The following GFRA2 variants were observed in gnomAD, a reference collection of about 807,000 sequenced individuals.
GFRA2 encodes the protein GDNF family receptor alpha-2.
Under a neutral mutation model 48.3 loss-of-function variants are expected in GFRA2, and 17 were observed. The ratio of observed to expected loss-of-function variants is 0.35; its 90% CI spans 0.24 to 0.53. The LOEUF is 0.53. Among genes scored for constraint, GFRA2 ranks in the 20% least tolerant of loss-of-function variants. The pLI, the probability that GFRA2 is intolerant of heterozygous loss-of-function variation, is 0.93. For synonymous variants in GFRA2, 305 were observed against 257.2 expected (o/e 1.19, Z -1.78); for missense variants, 660 against 637.3 (o/e 1.04, Z -0.38).
intron 2 of GFRA2, among the ~76,000 whole-genome samples, chr8:21,777,318 G>A (rs932591861): frequency 1.8e-4 from 28 of 152,166 alleles, no homozygotes; most frequent in Admixed American, 1.2e-3. Context: ...ATGGTGCCCC[G>A]GGGTGGTGTG....
intron 4 of GFRA2, among the ~76,000 whole-genome samples, chr8:21,741,920 C>CAAA (rs74424608): frequency 9.5e-6 from 1 of 105,184 alleles, no homozygotes; most frequent in Non-Finnish European, 2.1e-5. Flanking sequence ...GACTCCATCT[C>CAAA]AAAAAAAAAA....
chr8:21,720,634 G>A (rs1165379510), intron 4 of GFRA2, among the ~76,000 whole-genome samples: 1 of 151,978 alleles, frequency 6.6e-6, no homozygotes, highest in African/African-American at 2.4e-5. Flanking sequence ...AAACACACAC[G>A]TTCCCCAGCC....
At chr8:21,785,045 C>T (rs2117081538) in intron 1 of GFRA2, among the ~76,000 whole-genome samples, 1 of 152,278 alleles carries the variant, frequency 6.6e-6, no homozygotes, top group East Asian at 1.9e-4. Context: ...TAGGCTAATG[C>T]CCTCCCACCT....
chr8:21,730,311 G>A (rs759672821), intron 4 of GFRA2, among the ~76,000 whole-genome samples: 1 of 152,082 alleles, frequency 6.6e-6, no homozygotes, highest in African/African-American at 2.4e-5. Flanking sequence ...GCTGAAGCAG[G>A]AGAATCATTT....
intron 7 of GFRA2, among the ~76,000 whole-genome samples, chr8:21,698,369 T>C (rs966476788): frequency 6.6e-6 from 1 of 152,190 alleles, no homozygotes; most frequent in Non-Finnish European, 1.5e-5. Flanking sequence ...CATCCTTCCA[T>C]AGCTTTCTCC....
chr8:21,705,219 C>A, intron 5 of GFRA2, 94 bp from the exon 6 acceptor site: 1 of 1,297,268 alleles, frequency 7.7e-7, no homozygotes, highest in Non-Finnish European at 1.1e-6. Context: ...AGGGCAGAGG[C>A]GTGGTACCCA....
At chr8:21,760,913 C>G (rs1344299818) in intron 3 of GFRA2, among the ~76,000 whole-genome samples, 1 of 152,126 alleles carries the variant, frequency 6.6e-6, no homozygotes, top group Non-Finnish European at 1.5e-5. Context: ...GGATGGTCAA[C>G]TGACACCCCC....
At chr8:21,769,673 AC>A (rs1806353678) in intron 3 of GFRA2, among the ~76,000 whole-genome samples, 1 of 152,198 alleles carries the variant, frequency 6.6e-6, no homozygotes, top group Non-Finnish European at 1.5e-5. Flanking sequence ...TGTCACACAC[AC>A]ACGCAGAGGG....
intron 4 of GFRA2, among the ~76,000 whole-genome samples, chr8:21,734,631 G>A (rs953516000): frequency 7.2e-5 from 11 of 152,216 alleles, no homozygotes; most frequent in African/African-American, 2.7e-4. Flanking sequence ...TGTCCAGTTC[G>A]CCCTGTGCCA....
At chr8:21,715,879 G>C (rs944246017) in intron 4 of GFRA2, among the ~76,000 whole-genome samples, 1 of 152,224 alleles carries the variant, frequency 6.6e-6, no homozygotes, top group Admixed American at 6.5e-5. Flanking sequence ...AGAAAAGCAA[G>C]GGAGAGAGAG....
chr8:21,794,767 C>A (rs1435819931), intron 2 of GFRA2, among the ~76,000 whole-genome samples: 3 of 152,130 alleles, frequency 2.0e-5, no homozygotes, highest in Non-Finnish European at 4.4e-5. Context: ...ATCCCCTCCA[C>A]ACTCCAGATT....
intron 2 of GFRA2, among the ~76,000 whole-genome samples, chr8:21,794,307 G>A (rs1463551839): frequency 7.6e-6 from 1 of 131,370 alleles, no homozygotes; most frequent in Non-Finnish European, 1.5e-5. Flanking sequence ...CTAGAGTGCA[G>A]TGGCGTGATC....
chr8:21,783,132 C>A (rs371828051), intron 1 of GFRA2: 1 of 678,568 alleles, frequency 1.5e-6, no homozygotes, highest in South Asian at 1.5e-5. Flanking sequence ...TCCTCAGCAG[C>A]GGCCCTGGGC....
chr8:21,715,172 A>C (rs1441584911), intron 4 of GFRA2, among the ~76,000 whole-genome samples: 1 of 152,208 alleles, frequency 6.6e-6, no homozygotes, highest in African/African-American at 2.4e-5. Context: ...GTCAAGGACC[A>C]ACTTGGCTCC....
Position 21,763,950 on chromosome 8 carries a change from AAC to A in GFRA2, c.439+11020_439+11021del, listed in dbSNP as rs527247743. Among the ~76,000 whole-genome samples the A allele has an allele frequency of 5.7e-3, 707 of 123,436 alleles. 6 individuals are homozygous for A. Among genetic ancestry groups the A allele is most frequent in the Admixed American group, 0.022 (261 of 11,806 alleles). The allele number at this position is 123,436 out of a possible 152,430, so 81.0% of individuals were successfully genotyped here. ...CCTGAGCAGCCAAAGGTCACTAGGTAACACACACACACACACACACACACACA... is the reference window on the plus strand; with the variant it reads ...CCTGAGCAGCCAAAGGTCACTAGGTAACACACACACACACACACACACACA... On this transcript the variant is annotated intron_variant, in intron 3 of 8. Transcript: ENST00000524240.
At chr8:21,754,766 C>T (rs1356945282) in intron 3 of GFRA2, among the ~76,000 whole-genome samples, 4 of 152,128 alleles carry the variant, frequency 2.6e-5, no homozygotes, top group Admixed American at 1.3e-4. Flanking sequence ...GCCTCGGCCT[C>T]CAAAAGTGCT....
At chr8:21,796,848 G>A (rs1246410737) in intron 2 of GFRA2, among the ~76,000 whole-genome samples, 8 of 152,222 alleles carry the variant, frequency 5.3e-5, no homozygotes, top group Non-Finnish European at 7.3e-5. Context: ...TAGGTTGGAA[G>A]GAGCCCTCCA....
chr8:21,729,466 G>A lies in GFRA2; in HGVS notation c.794+21122C>T, dbSNP rs117461917. Among the ~76,000 whole-genome samples the A allele has an allele frequency of 3.0e-3, 459 of 152,242 alleles. 1 individual carries two copies. Among genetic ancestry groups the A allele is most frequent in the Non-Finnish European group, 3.9e-3 (267 of 68,008 alleles). On this transcript the variant is annotated intron_variant, in intron 4 of 8. Coordinates refer to ENST00000524240, the MANE Select transcript of GFRA2 (RefSeq NM_001495.5). ...CCAAAAGATCCCCAAGGGGAAGAAGGTCTCAGAGAGTGAAAGCTGGGCCTG... is the reference window on the plus strand; with the variant it reads ...CCAAAAGATCCCCAAGGGGAAGAAGATCTCAGAGAGTGAAAGCTGGGCCTG...
chr8:21,778,527 C>A lies in GFRA2; in HGVS notation c.356-3472G>T, dbSNP rs75620886. ...GAACACAGTTCCTACAGTGCTGTTACCTTCTGAGGCACACAGTAGGTGCTT... is the reference window on the plus strand; with the variant it reads ...GAACACAGTTCCTACAGTGCTGTTAACTTCTGAGGCACACAGTAGGTGCTT... On this transcript the variant is annotated intron_variant, in intron 2 of 8. Coordinates refer to ENST00000524240, the MANE Select transcript of GFRA2 (RefSeq NM_001495.5). Among the ~76,000 whole-genome samples, 794 of 152,354 alleles carry A rather than the reference C, an allele frequency of 5.2e-3. 49 individuals carry two copies. The East Asian group carries it at 0.13, about 26-fold the overall frequency.
Sources: allele counts gnomAD v4.1 joint callset (sites outside exome capture counted in the v4.1 genomes callset), GRCh38; gene constraint gnomAD v4.1.1; transcripts MANE v1.5; gene names NCBI Gene and HGNC (gene_info 2026-07-23, HGNC 2026-07-21).